SATB2: variants seen among roughly 807,000 people sequenced by gnomAD.
SATB2 encodes SATB homeobox 2.
A neutral mutation model predicts 73.4 loss-of-function variants in SATB2; 1 was observed. The ratio of observed to expected loss-of-function variants is 0.01; its 90% CI spans 0.00 to 0.06. The LOEUF is 0.06. SATB2 is among the 10% of genes least tolerant of loss of function. The probability of loss-of-function intolerance (pLI) is 1.00; values close to 1 mark genes in which losing one functional copy is unlikely to be tolerated. For synonymous variants in SATB2, 397 were observed against 367.0 expected, an observed-to-expected ratio of 1.08 and a Z score of -0.93; for missense variants, 459 against 945.8, an observed-to-expected ratio of 0.49 and a Z score of 6.75.
chr2:199,459,792 G>T (rs1026153780), upstream of SATB2: 13 of 152,712 alleles, frequency 8.5e-5, no homozygotes, highest in African/African-American at 3.1e-4. The surrounding 1 kb of genome is among the most constrained non-coding windows in gnomAD (Gnocchi z 4.2). Context: ...GCTGGGAGCA[G>T]AGACTGCGAA....
intron 10 of SATB2, among the ~76,000 whole-genome samples, chr2:199,277,854 T>A (rs1559138662): frequency 6.6e-6 from 1 of 152,214 alleles, no homozygotes; most frequent in Non-Finnish European, 1.5e-5. Flanking sequence ...ATGGGAAAAC[T>A]GGAGTTCCAA....
At chr2:199,404,970 T>C (rs1690587686) in intron 3 of SATB2, among the ~76,000 whole-genome samples, 1 of 152,240 alleles carries the variant, frequency 6.6e-6, no homozygotes, top group South Asian at 2.1e-4. Context: ...AATGAGGTTC[T>C]ACAAAGAAGA....
chr2:199,385,018 A>C (rs1369591020), intron 3 of SATB2, among the ~76,000 whole-genome samples: 1 of 152,170 alleles, frequency 6.6e-6, no homozygotes, highest in Non-Finnish European at 1.5e-5. Context: ...AGTATACATC[A>C]ATGTGTCCCA....
chr2:199,395,295 T>C (rs1344825215), intron 3 of SATB2, among the ~76,000 whole-genome samples: 1 of 152,222 alleles, frequency 6.6e-6, no homozygotes, highest in Non-Finnish European at 1.5e-5. Flanking sequence ...ATTATGTTGC[T>C]ACACTAGAAG....
At chr2:199,337,589 G>A (rs966022995) in intron 7 of SATB2, among the ~76,000 whole-genome samples, 1 of 152,140 alleles carries the variant, frequency 6.6e-6, no homozygotes, top group Non-Finnish European at 1.5e-5. Flanking sequence ...GCTAGAGACA[G>A]ACATACAGAT....
intron 6 of SATB2, among the ~76,000 whole-genome samples, chr2:199,350,494 G>A (rs1199036660): frequency 2.6e-5 from 4 of 152,250 alleles, no homozygotes; most frequent in Admixed American, 6.5e-5. Context: ...TCAATGAACT[G>A]TATGGGTGGA....
intron 3 of SATB2, among the ~76,000 whole-genome samples, chr2:199,390,933 T>C (rs1445771924): frequency 6.6e-6 from 1 of 152,176 alleles, no homozygotes. Context: ...AATATTATGA[T>C]GGCATGTAGA....
intron 10 of SATB2, among the ~76,000 whole-genome samples, chr2:199,295,194 C>T (rs542068875): frequency 1.3e-5 from 2 of 152,250 alleles, no homozygotes; most frequent in East Asian, 1.9e-4. Flanking sequence ...GGAACAACTG[C>T]TATTTAAATA....
Position 199,317,628 on chromosome 2 carries a change from T to C in SATB2, c.1542+6175A>G, listed in dbSNP as rs758898827. Among the ~76,000 whole-genome samples, 87 of 152,090 alleles carry C rather than the reference T, an allele frequency of 5.7e-4. 2 individuals carry two copies. Among genetic ancestry groups the C allele is most frequent in the Non-Finnish European group, 1.8e-4 (12 of 68,028 alleles). Reference sequence around the variant, plus strand: ...TTATTATTGATTGTCTAAGGACTCCTATAAAGACTAATTTTAAGGCATGAA... The same window carrying C: ...TTATTATTGATTGTCTAAGGACTCCCATAAAGACTAATTTTAAGGCATGAA... On this transcript the variant is annotated intron_variant, in intron 9 of 10. Coordinates refer to ENST00000417098, the MANE Select transcript of SATB2 (RefSeq NM_001172509.2).
At chr2:199,460,917 G>A (rs975307542), upstream of SATB2, among the ~76,000 whole-genome samples, 5 of 152,148 alleles carry the variant, frequency 3.3e-5, no homozygotes, top group East Asian at 7.7e-4. The surrounding 1 kb of genome is among the most constrained non-coding windows in gnomAD (Gnocchi z 4.0). Flanking sequence ...TGTACATTGT[G>A]GTTAGTTTGT....
At chr2:199,395,819 A>G (rs375897131) in intron 3 of SATB2, 7 of 152,218 alleles carry the variant, frequency 4.6e-5, no homozygotes, top group South Asian at 4.1e-4. Context: ...TAATGCTTCT[A>G]ATAAATCAGA....
intron 6 of SATB2, among the ~76,000 whole-genome samples, chr2:199,362,128 G>A (rs1253648144): frequency 2.6e-5 from 4 of 152,078 alleles, no homozygotes; most frequent in Admixed American, 6.6e-5. Context: ...CAAAAGCTTA[G>A]CCATTCTGAG....
chr2:199,338,496 G>A (rs1159932895), intron 7 of SATB2, among the ~76,000 whole-genome samples: 1 of 152,106 alleles, frequency 6.6e-6, no homozygotes, highest in South Asian at 2.1e-4. Context: ...CCCTGTTAGA[G>A]AATGGTGAAA....
chr2:199,315,612 C>T (rs1687710969), intron 9 of SATB2, among the ~76,000 whole-genome samples: 1 of 152,022 alleles, frequency 6.6e-6, no homozygotes, highest in African/African-American at 2.4e-5. Flanking sequence ...TCTCACAGCC[C>T]CCATGTTTTT....
chr2:199,401,200 T>A (rs148936420), intron 3 of SATB2, among the ~76,000 whole-genome samples: 11 of 152,206 alleles, frequency 7.2e-5, no homozygotes, highest in Non-Finnish European at 1.5e-4. Flanking sequence ...GTCTACTTAG[T>A]CTCACCAATA....
chr2:199,455,686 CTTGTT>C lies in SATB2; in HGVS notation c.169+178_169+182del, dbSNP rs1692251394. Among the ~76,000 whole-genome samples, 3 of 152,362 alleles carry C rather than the reference CTTGTT, an allele frequency of 2.0e-5. No homozygotes were observed. The South Asian group carries it at 6.2e-4, about 32-fold the overall frequency. On this transcript the variant is annotated intron_variant, in intron 2 of 10. Coordinates refer to ENST00000417098, the MANE Select transcript of SATB2 (RefSeq NM_001172509.2). The surrounding 1 kb of genome is among the most constrained non-coding windows in gnomAD (Gnocchi z 4.1). The stretch of plus-strand genomic sequence containing the variant: ...GCCACCCTCTGGGTAAAACCACTTT[CTTGTT>C]TTAACTGGAGATGAAGCTACCAGTT...
intron 7 of SATB2, among the ~76,000 whole-genome samples, chr2:199,330,797 C>T (rs1407033386): frequency 6.6e-6 from 1 of 152,074 alleles, no homozygotes; most frequent in Non-Finnish European, 1.5e-5. Flanking sequence ...ACTTTCAATA[C>T]CAGTAAAAAA....
In SATB2 at chr2:199,272,708, T is replaced by C. The variant is rs763100450; in HGVS notation, c.1741-36A>G. On this transcript the variant is annotated intron_variant, in intron 10 of 10. Coordinates refer to ENST00000417098, the MANE Select transcript of SATB2 (RefSeq NM_001172509.2). This position sits in a 1 kb window ranked among gnomAD's most constrained non-coding sequence, Gnocchi z 6.7. ...AGAGAGAAAAAAATGAACACTGGAC[T>C]CATGATTTTACCTTTCCAAAACCAT... 5 of 1,579,872 alleles carry C rather than the reference T, an allele frequency of 3.2e-6. No individual in the cohort carries two copies. The African/African-American group carries it at 6.7e-5, about 21-fold the overall frequency.
intron 5 of SATB2, among the ~76,000 whole-genome samples, chr2:199,373,627 ATTC>A (rs1689512902): frequency 6.6e-6 from 1 of 152,112 alleles, no homozygotes; most frequent in African/African-American, 2.4e-5. Flanking sequence ...GAGTGTAAGG[ATTC>A]TTCTGTGAGA....
Sources: allele counts gnomAD v4.1 joint callset (sites outside exome capture counted in the v4.1 genomes callset), GRCh38; gene constraint gnomAD v4.1.1; non-coding constraint Gnocchi (gnomAD v3.1); transcripts MANE v1.5; gene names NCBI Gene and HGNC (gene_info 2026-07-23, HGNC 2026-07-21).